The following LILRB5 variants were observed in gnomAD, a reference collection of about 807,000 sequenced individuals.
LILRB5 encodes the protein leukocyte immunoglobulin like receptor B5, also known as leukocyte immunoglobulin-like receptor subfamily B member 5.
In LILRB5, 61 loss-of-function variants were observed where a neutral mutation model predicts 68.4. That is an observed-to-expected ratio of 0.89 (90% CI 0.73 to 1.10). LILRB5 has a LOEUF of 1.10. Among genes scored for constraint, LILRB5 ranks in the 50% least tolerant of loss-of-function variants. LILRB5 has a pLI of 0.00. For missense variants in LILRB5, 771 were observed against 751.6 expected (o/e 1.03, Z -0.30); for synonymous variants, 356 against 315.8 (o/e 1.13, Z -1.35).
At position 54,255,350 on chromosome 19, in the gene LILRB5, G is replaced by A. The variant is rs778997561; in HGVS notation, c.888C>T (p.Tyr296=). The A allele has an allele frequency of 7.7e-5, 125 of 1,613,928 alleles. No homozygotes were observed. Among genetic ancestry groups the A allele is most frequent in the East Asian group, 6.9e-4 (31 of 44,898 alleles). The change falls in exon 5 of 13, where the codon TAC becomes TAT. Residue 296 remains tyrosine, a synonymous_variant. Coordinates refer to ENST00000449561, the MANE Select transcript of LILRB5 (RefSeq NM_001081442.3). Reference sequence around the variant, plus strand: ...ACCTAGGGGAGAGGTTGTGTGCACCGTAGCATCTGTACTGGCCCCCGTGGG... The same window carrying A: ...ACCTAGGGGAGAGGTTGTGTGCACCATAGCATCTGTACTGGCCCCCGTGGG... ...SRSHGGQYRC[Y]GAHNLSPRWS... is the part of the protein sequence containing the mutation.
Position 54,252,563 on chromosome 19 carries a change from G to A in LILRB5, c.1475-14C>T. 6.2e-7 allele frequency: 1 copy of A among 1,613,554 alleles called. No homozygotes were observed. The highest frequency in any genetic ancestry group is 8.5e-7 in the Non-Finnish European group (1 of 1,179,888). ...GGTAGAAATGGGCTGGACAGAGATG[G>A]ACAGAGGGTCAGGCCTGGGAGAATT... On this transcript the variant is annotated splice_polypyrimidine_tract_variant and intron_variant, in intron 9 of 12. Transcript: ENST00000449561.
At position 54,254,015 on chromosome 19, in the gene LILRB5, C is replaced by G. The variant is rs762008141; in HGVS notation, c.1357+3G>C. The G allele has an allele frequency of 6.3e-7, 1 of 1,591,186 alleles. No homozygotes were observed. Among genetic ancestry groups the G allele is most frequent in the Non-Finnish European group, 8.6e-7 (1 of 1,168,082 alleles). On this transcript the variant is annotated splice_donor_region_variant and intron_variant, in intron 8 of 12. Coordinates refer to ENST00000449561, the MANE Select transcript of LILRB5 (RefSeq NM_001081442.3). Reference sequence around the variant, plus strand: ...CACCTCCCACTCAGAGCCCCTCACTCACCACTCTGGGGATCCAACCCCGTG... The same window carrying G: ...CACCTCCCACTCAGAGCCCCTCACTGACCACTCTGGGGATCCAACCCCGTG...
Position 54,256,139 on chromosome 19 carries a change from G to A in LILRB5, c.559C>T (p.Pro187Ser). The change falls in exon 4 of 13, where the codon CCC becomes TCC. Residue 187 changes from proline to serine, a missense_variant. Physicochemically the swap from Pro to Ser is moderately conservative, Grantham distance 74. Transcript: ENST00000449561. ...QALFPVGPVT[P>S]SCRWRFRCYY... ...CATCTGAACCTCCACCTGCAGCTGG[G>A]GGTCACGGGACCCACAGGGAACAGG... is the stretch of plus-strand genomic sequence containing the variant. 6.2e-7 allele frequency: 1 copy of A among 1,610,604 alleles called. No homozygotes were observed. The highest frequency in any genetic ancestry group is 8.5e-7 in the Non-Finnish European group (1 of 1,178,530).
chr19:54,251,812 G>T (rs539586108), intron 12 of LILRB5: 98 of 708,508 alleles, frequency 1.4e-4, no homozygotes, highest in African/African-American at 1.1e-3. Flanking sequence ...CCTGGGGAGA[G>T]CTCTAACAAC....
chr19:54,256,935 C>T (rs559491688), intron 2 of LILRB5, 26 bp downstream of exon 2: 3 of 1,614,194 alleles, frequency 1.9e-6, no homozygotes, highest in Admixed American at 1.7e-5. Context: ...GAAGAAGGGA[C>T]CTGGGACAGC....
rs189586003 is a variant in LILRB5, at chr19:54,250,184, T to C, written c.*602A>G. On this transcript the variant is annotated 3_prime_UTR_variant, in exon 13 of 13. Coordinates refer to ENST00000449561, the MANE Select transcript of LILRB5 (RefSeq NM_001081442.3). ...AATATGTGTCAGATTTGTGGTGGTG[T>C]CTGCTGTTTCACCCCCATATGGAAA... 6.5e-6 allele frequency: 1 copy of C among 153,178 alleles called. No individual in the cohort carries two copies. Among genetic ancestry groups the C allele is most frequent in the Admixed American group, 6.5e-5 (1 of 15,460 alleles). 9.5% of individuals were successfully genotyped at this position (153,178 alleles called of 1,614,324 possible).
At position 54,252,796 on chromosome 19, in the gene LILRB5, G is replaced by C; in HGVS notation, c.1474+75C>G. 2.9e-6 allele frequency: 4 copies of C among 1,367,026 alleles called. No homozygotes were observed. The South Asian group carries it at 5.2e-5, about 18-fold the overall frequency. 84.7% of individuals were successfully genotyped at this position (1,367,026 alleles called of 1,614,324 possible). Reference sequence around the variant, plus strand: ...AGTTTTTCTAAGCTGACTTTCCTTTGTGTTTGGTTTCCCTCTGGCTGGTGC... The same window carrying C: ...AGTTTTTCTAAGCTGACTTTCCTTTCTGTTTGGTTTCCCTCTGGCTGGTGC... On this transcript the variant is annotated intron_variant, in intron 9 of 12. Coordinates refer to ENST00000449561, the MANE Select transcript of LILRB5 (RefSeq NM_001081442.3).
chr19:54,254,013 C>T lies in LILRB5; in HGVS notation c.1357+5G>A. ...CCCACCTCCCACTCAGAGCCCCTCA[C>T]TCACCACTCTGGGGATCCAACCCCG... On this transcript the variant is annotated splice_donor_5th_base_variant and intron_variant, in intron 8 of 12. Transcript: ENST00000449561. The T allele has an allele frequency of 3.1e-6, 5 of 1,589,980 alleles. No individual in the cohort carries two copies. The highest frequency in any genetic ancestry group is 4.3e-6 in the Non-Finnish European group (5 of 1,167,404).
chr19:54,254,855 C>A lies in LILRB5; in HGVS notation c.1135G>T (p.Glu379Ter). ...SKYQSYRHQA[E>*]FSMSPVTSAQ... ...GAGGTCACAGGACTCATGGAGAATT[C>A]AGCCTGGTGTCTATAAGACTGGTAC... The change falls in exon 6 of 13, where the codon GAA becomes TAA. Residue 379 changes from glutamate (E) to a stop codon, truncating the protein, a stop_gained. Coordinates refer to ENST00000449561, the MANE Select transcript of LILRB5 (RefSeq NM_001081442.3). LOFTEE classifies it high-confidence loss of function. 3 of 1,614,154 alleles carry A rather than the reference C, an allele frequency of 1.9e-6. No individual in the cohort carries two copies. The South Asian group carries it at 3.3e-5, about 18-fold the overall frequency.
intron 5 of LILRB5, 52 bp downstream of exon 5, chr19:54,255,234 G>T: frequency 6.3e-7 from 1 of 1,591,078 alleles, no homozygotes. Flanking sequence ...GATTCCCCCG[G>T]CAGGACCTGT....
Position 54,253,669 on chromosome 19 carries a change from G to A in LILRB5, c.1357+349C>T, listed in dbSNP as rs562865358. ...AAGTTGACCTGCCTGGGCCCACGGT[G>A]GGATGCGGCAGAGCTGGGAAGTGAA... On this transcript the variant is annotated intron_variant, in intron 8 of 12. Transcript: ENST00000449561. 2.8e-4 allele frequency: 191 copies of A among 678,090 alleles called. 1 individual carries two copies. The South Asian group carries it at 3.0e-3, about 11-fold the overall frequency. The allele number at this position is 678,090 out of a possible 1,614,324, so 42.0% of individuals were successfully genotyped here. A position where few individuals can be genotyped will look rare whatever the true frequency, so the allele number is the denominator to read the frequency against.
In LILRB5 at chr19:54,254,914, C is replaced by A. The variant is rs1466220197; in HGVS notation, c.1076G>T (p.Gly359Val). The change falls in exon 6 of 13, where the codon GGG (glycine) becomes GTG (valine). Residue 359 changes from glycine (G) to valine (V), a missense_variant. Coordinates refer to ENST00000449561, the MANE Select transcript of LILRB5 (RefSeq NM_001081442.3). Reference sequence around the variant, plus strand: ...TAGACACAGCGGGGGATGGGCTGCCCCCTCCTTGGTCAAAAAGAAAGTGTC... The same window carrying A: ...TAGACACAGCGGGGGATGGGCTGCCACCTCCTTGGTCAAAAAGAAAGTGTC... ...QIDTFFLTKE[G>V]AAHPPLCLKS... 1 of 1,614,048 alleles carries A rather than the reference C, an allele frequency of 6.2e-7. No homozygotes were observed. Among genetic ancestry groups the A allele is most frequent in the Admixed American group, 1.7e-5 (1 of 60,016 alleles).
Position 54,253,996 on chromosome 19 carries a change from CCACT to C in LILRB5, c.1357+18_1357+21del, listed in dbSNP as rs765423190. The C allele has an allele frequency of 6.3e-7, 1 of 1,576,870 alleles. No homozygotes were observed. The highest frequency in any genetic ancestry group is 1.2e-5 in the South Asian group (1 of 86,130). On this transcript the variant is annotated intron_variant, in intron 8 of 12. Coordinates refer to ENST00000449561, the MANE Select transcript of LILRB5 (RefSeq NM_001081442.3). ...GCCTCCCCTGGTCTCCGCCCACCTC[CCACT>C]CAGAGCCCCTCACTCACCACTCTGG...
rs1285053839 is a variant in LILRB5, at chr19:54,250,944, G to C, written c.1630-12C>G. 6.3e-6 allele frequency: 10 copies of C among 1,594,628 alleles called. No homozygotes were observed. In the Admixed American group the frequency reaches 1.0e-4, roughly 16 times the overall value. On this transcript the variant is annotated splice_polypyrimidine_tract_variant and intron_variant, in intron 12 of 12. Coordinates refer to ENST00000449561, the MANE Select transcript of LILRB5 (RefSeq NM_001081442.3). The stretch of plus-strand genomic sequence containing the variant: ...TCAGATGCAGCAGCCTGCAGCGGGG[G>C]AGAGTGAGAGGGAAGGAACGTGGTG...
chr19:54,256,684 C>T lies in LILRB5; in HGVS notation c.160G>A (p.Glu54Lys). 6.2e-7 allele frequency: 1 copy of T among 1,614,206 alleles called. No homozygotes were observed. The highest frequency in any genetic ancestry group is 1.1e-5 in the South Asian group (1 of 91,090). The change falls in exon 3 of 13, where the codon GAG becomes AAG. Residue 54 changes from glutamate to lysine, a missense_variant. Glu to Lys is a moderately conservative substitution (Grantham distance 56). Transcript: ENST00000449561. ...TTATCCAGACGGTACTCCTCAGTCT[C>T]CAGGGGCCCCTGACACCAGAGGGTC... ...PVTLWCQGPL[E>K]TEEYRLDKEG...
chr19:54,255,688 C>T (rs1206720377), intron 4 of LILRB5, 106 bp from the exon 5 acceptor site: 1 of 1,323,626 alleles, frequency 7.6e-7, no homozygotes, highest in Non-Finnish European at 1.0e-6. Context: ...CTCTCACGCT[C>T]TGTGTCTCGG....
chr19:54,253,766 G>A, intron 8 of LILRB5: 1 of 1,349,524 alleles, frequency 7.4e-7, no homozygotes, highest in South Asian at 1.3e-5. Flanking sequence ...GAAAGAGCCT[G>A]AATGCCCCAA....
Position 54,252,115 on chromosome 19 carries a change from C to T in LILRB5, c.1577-9G>A. On this transcript the variant is annotated splice_polypyrimidine_tract_variant and intron_variant, in intron 11 of 12. Transcript: ENST00000449561. The stretch of plus-strand genomic sequence containing the variant: ...GTCCTTCACGGCAGCATCTGCTGGG[C>T]CAGAGCAAGGGGTTCATCTCCTGGG... The T allele has an allele frequency of 6.2e-7, 1 of 1,613,908 alleles. No individual in the cohort carries two copies. The highest frequency in any genetic ancestry group is 8.5e-7 in the Non-Finnish European group (1 of 1,179,874).
At position 54,255,057 on chromosome 19, in the gene LILRB5, G is replaced by C. The variant is rs944132557; in HGVS notation, c.953-20C>G. On this transcript the variant is annotated intron_variant, in intron 5 of 12. Transcript: ENST00000449561. ...TCAGTCCTGGAGAGAAGAAGGATGGGTGAGGGGCTGCCCCACCTTGCTCTG... is the reference window on the plus strand; with the variant it reads ...TCAGTCCTGGAGAGAAGAAGGATGGCTGAGGGGCTGCCCCACCTTGCTCTG... 3.2e-6 allele frequency: 5 copies of C among 1,580,264 alleles called. No individual in the cohort carries two copies. In the African/African-American group the frequency reaches 6.8e-5, roughly 21 times the overall value.
Sources: gnomAD v4.1 joint callset for allele counts on GRCh38, gnomAD v4.1.1 for gene constraint, MANE v1.5 for transcripts, NCBI Gene and HGNC (gene_info 2026-07-23, HGNC 2026-07-21) for gene names.